Variants in S100Z observed in about 807,000 individuals in gnomAD.
S100Z encodes protein S100-Z.
S100Z carries 11 observed loss-of-function variants against 8.5 expected under a neutral mutation model. The ratio of observed to expected loss-of-function variants is 1.30; its 90% CI spans 0.82 to 2.15. The LOEUF is 2.15. S100Z is among the 30% of genes most tolerant of loss of function. The pLI is 0.00. For synonymous variants in S100Z, 34 were observed against 43.8 expected (o/e 0.78, Z 0.89); for missense variants, 126 against 117.9 (o/e 1.07, Z -0.32).
downstream of S100Z, among the ~76,000 whole-genome samples, chr5:76,925,432 A>T (rs1745123396): frequency 6.6e-6 from 1 of 151,946 alleles, no homozygotes; most frequent in East Asian, 1.9e-4. Context: ...TAGGTCTCAC[A>T]CTCAGTCCTC....
chr5:76,896,666 G>C (rs561411525), intron 4 of S100Z, among the ~76,000 whole-genome samples: 1 of 152,226 alleles, frequency 6.6e-6, no homozygotes, highest in East Asian at 1.9e-4. Context: ...ATGCATACAA[G>C]GATTCACTTT....
Position 76,875,684 on chromosome 5 carries a change from G to A in S100Z, c.141+184G>A, listed in dbSNP as rs114699864. 5.3e-3 allele frequency among the ~76,000 whole-genome samples: 801 copies of A among 152,270 alleles called. 6 individuals are homozygous for A. Among genetic ancestry groups the A allele is most frequent in the African/African-American group, 0.018 (754 of 41,550 alleles). On this transcript the variant is annotated intron_variant, in intron 3 of 4. Coordinates refer to ENST00000317593, the MANE Select transcript of S100Z (RefSeq NM_130772.4). ...TTGTTTTCTGTGTACATAGGCATGT[G>A]CCCTTTTTCGTGTTACCTGGGGTTA...
At chr5:76,886,969 G>C (rs961218698) in intron 4 of S100Z, among the ~76,000 whole-genome samples, 5 of 152,098 alleles carry the variant, frequency 3.3e-5, no homozygotes, top group Admixed American at 2.0e-4. Context: ...GGATGTATAC[G>C]TGCAGGTCAC....
At chr5:76,928,346 G>C in the S100Z span, among the ~76,000 whole-genome samples, 34,281 of 152,108 alleles carry the variant, frequency 0.23, 4,136 homozygotes, top group East Asian at 0.36. Context: ...CTTTTACTTG[G>C]TAGAATCAAT....
At chr5:76,952,719 A>C in the S100Z span, 12 of 181,012 alleles carry the variant, frequency 6.6e-5, no homozygotes, top group Admixed American at 1.6e-4. Context: ...TGTCACTTTG[A>C]TTTGCAAAAT....
Position 76,870,200 on chromosome 5 carries a change from C to T in S100Z, c.-141C>T, listed in dbSNP as rs1405170648. On this transcript the variant is annotated 5_prime_UTR_variant, in exon 2 of 5. Transcript: ENST00000317593. ...ACAAGCCCCTGACTCTGTGTAGACA[C>T]CCAGCTCTCCAGAAAAATGCTTTGA... is the stretch of plus-strand genomic sequence containing the variant. 6.6e-6 allele frequency: 1 copy of T among 152,090 alleles called. No individual in the cohort carries two copies. Among genetic ancestry groups the T allele is most frequent in the Non-Finnish European group, 1.5e-5 (1 of 68,028 alleles). 9.4% of individuals were successfully genotyped at this position (152,090 alleles called of 1,614,324 possible).
chr5:76,905,605 G>T (rs1447441080), intron 4 of S100Z, among the ~76,000 whole-genome samples: 1 of 151,714 alleles, frequency 6.6e-6, no homozygotes. Flanking sequence ...GTAGAGATGG[G>T]GTTTCACCAC....
chr5:76,878,711 G>T (rs1461832008), intron 4 of S100Z, among the ~76,000 whole-genome samples: 1 of 152,204 alleles, frequency 6.6e-6, no homozygotes, highest in African/African-American at 2.4e-5. Flanking sequence ...TGTAAAGAAA[G>T]GACTATAGAG....
At chr5:76,943,017 T>A in the S100Z span, among the ~76,000 whole-genome samples, 1 of 152,224 alleles carries the variant, frequency 6.6e-6, no homozygotes, top group Non-Finnish European at 1.5e-5. Context: ...GGTTCTTTTT[T>A]TTATTATTAT....
chr5:76,895,765 CTTTTTTTTTT>C (rs57723242), intron 4 of S100Z, among the ~76,000 whole-genome samples: 1,990 of 88,442 alleles, frequency 0.023, 66 homozygotes, highest in African/African-American at 0.069. Flanking sequence ...TCTTTTCTTC[CTTTTTTTTTT>C]TTTTTTTTTT....
chr5:76,913,979 C>G (rs1372679688), intron 4 of S100Z, among the ~76,000 whole-genome samples: 2 of 152,158 alleles, frequency 1.3e-5, no homozygotes, highest in African/African-American at 4.8e-5. Context: ...CCTTTGGGCC[C>G]TATATTTTTA....
intron 4 of S100Z, among the ~76,000 whole-genome samples, chr5:76,879,322 C>A (rs181775783): frequency 1.3e-5 from 2 of 152,280 alleles, no homozygotes; most frequent in East Asian, 3.9e-4. Flanking sequence ...GCCTTGCTTG[C>A]CTGCTTCTGG....
the S100Z span, among the ~76,000 whole-genome samples, chr5:76,944,693 G>A: frequency 8.5e-5 from 13 of 152,162 alleles, no homozygotes; most frequent in South Asian, 4.1e-4. Context: ...GTCACTGCAC[G>A]TAGCTGGCAG....
At chr5:76,946,067 AG>A in the S100Z span, among the ~76,000 whole-genome samples, 1 of 152,128 alleles carries the variant, frequency 6.6e-6, no homozygotes, top group Non-Finnish European at 1.5e-5. Context: ...TTTTGCTGCT[AG>A]TCTAGTCATT....
the S100Z span, among the ~76,000 whole-genome samples, chr5:76,942,197 C>T: frequency 7.2e-5 from 11 of 151,824 alleles, no homozygotes; most frequent in Non-Finnish European, 1.3e-4. Flanking sequence ...TCACTGCAAC[C>T]GCTTCCTGGG....
chr5:76,887,207 G>T (rs1167730378), intron 4 of S100Z, among the ~76,000 whole-genome samples: 2 of 145,918 alleles, frequency 1.4e-5, no homozygotes, highest in East Asian at 4.1e-4. Context: ...AGCGATTTTC[G>T]TGCCTGAGCC....
intron 4 of S100Z, among the ~76,000 whole-genome samples, chr5:76,888,778 C>A (rs993640149): frequency 4.6e-5 from 7 of 152,192 alleles, no homozygotes; most frequent in African/African-American, 1.2e-4. Flanking sequence ...CTCTTAGAGC[C>A]AGGCCAGCAA....
downstream of S100Z, among the ~76,000 whole-genome samples, chr5:76,925,076 G>T (rs532139303): frequency 2.6e-5 from 4 of 152,056 alleles, no homozygotes; most frequent in Admixed American, 6.5e-5. Flanking sequence ...CATGTTGTTG[G>T]CAGAATGCTT....
intron 4 of S100Z, among the ~76,000 whole-genome samples, chr5:76,917,057 C>T (rs1158288073): frequency 1.5e-5 from 2 of 130,024 alleles, no homozygotes; most frequent in Non-Finnish European, 3.1e-5. Flanking sequence ...ACCCAGGAGG[C>T]GGAGGTTGCA....
Sources: allele counts gnomAD v4.1 joint callset (sites outside exome capture counted in the v4.1 genomes callset), GRCh38; gene constraint gnomAD v4.1.1; transcripts MANE v1.5; gene names NCBI Gene and HGNC (gene_info 2026-07-23, HGNC 2026-07-21).